Variants in COL3A1 observed in about 807,000 individuals in gnomAD.
COL3A1 encodes collagen type III alpha 1 chain.
COL3A1 carries 46 observed loss-of-function variants against 200.9 expected under a neutral mutation model. That is an observed-to-expected ratio of 0.23 (90% confidence interval 0.18 to 0.29). The LOEUF (loss-of-function observed/expected upper bound fraction) is 0.29, where lower values mean the gene tolerates loss of function less well. Ranked by LOEUF, COL3A1 falls within the 10% of genes least tolerant of loss-of-function variation. COL3A1 has a pLI of 1.00. For missense variants in COL3A1, 1,367 were observed against 1,917.6 expected, an observed-to-expected ratio of 0.71 and a Z score of 5.36; for synonymous variants, 650 against 628.0, an observed-to-expected ratio of 1.03 and a Z score of -0.52.
intron 1 of COL3A1, chr2:188,978,019 C>T: frequency 2.7e-6 from 1 of 371,318 alleles, no homozygotes; most frequent in Non-Finnish European, 5.3e-6. Flanking sequence ...CTTACCTGAG[C>T]TTTTTTTCTA....
Position 189,008,752 on chromosome 2 carries a change from T to C in COL3A1, c.3526-172T>C, listed in dbSNP as rs1688651246. ...TTTCTTGATAATGAATTGTAGTTAT[T>C]ATAAATCGGTGATCACGTGACCCTA... is the stretch of plus-strand genomic sequence containing the variant. On this transcript the variant is annotated intron_variant, in intron 47 of 50. Coordinates refer to ENST00000304636, the MANE Select transcript of COL3A1 (RefSeq NM_000090.4). 2.3e-5 allele frequency: 15 copies of C among 664,358 alleles called. No individual in the cohort carries two copies. In the South Asian group the frequency reaches 2.7e-4, roughly 12 times the overall value. 41.2% of individuals were successfully genotyped at this position (664,358 alleles called of 1,614,324 possible).
chr2:189,001,307 A>T (rs760143884), intron 32 of COL3A1, 90 bp from the exon 33 acceptor site: 73 of 1,218,260 alleles, frequency 6.0e-5, no homozygotes, highest in Non-Finnish European at 8.7e-5. Flanking sequence ...CTAGTTTATT[A>T]GGTATCTATG....
At chr2:189,008,571 A>G (rs1688648284) in intron 47 of COL3A1, 2 of 406,992 alleles carry the variant, frequency 4.9e-6, no homozygotes, top group African/African-American at 2.0e-5. Flanking sequence ...TAAATGAAAT[A>G]AAAACAATTA....
chr2:188,993,217 G>T (rs1688225367), intron 15 of COL3A1, 144 bp from the exon 16 acceptor site: 2 of 762,270 alleles, frequency 2.6e-6, no homozygotes, highest in Non-Finnish European at 4.6e-6. Flanking sequence ...CTGCCTTTAC[G>T]ATTAATGATT....
rs776253498 is a variant in COL3A1, at chr2:188,990,149, A to G, written c.744A>G (p.Pro248=). The G allele has an allele frequency of 1.9e-6, 3 of 1,613,538 alleles. No homozygotes were observed. The highest frequency in any genetic ancestry group is 3.3e-5 in the Admixed American group (2 of 59,946). The part of the protein sequence containing the change: ...RPGERGLPGP[P]GIKGPAGIPG... ...GAGAGCGAGGATTGCCTGGACCTCC[A>G]GTGAGTCTTCAGCATCTAATAAATT... Residue 248 remains proline (P), a splice_region_variant and synonymous_variant, in exon 9 of 51, where the codon CCA becomes CCG. Transcript: ENST00000304636.
At chr2:188,983,154 T>C (rs569561611) in intron 1 of COL3A1, among the ~76,000 whole-genome samples, 1 of 152,078 alleles carries the variant, frequency 6.6e-6, no homozygotes, top group Non-Finnish European at 1.5e-5. Flanking sequence ...ATATATCCCA[T>C]GTTCTCATAT....
chr2:189,007,095 G>GAA (rs1189709304), intron 44 of COL3A1, 105 bp downstream of exon 44: 1 of 244,942 alleles, frequency 4.1e-6, no homozygotes, highest in East Asian at 1.3e-4. Flanking sequence ...AAAAAAGAAT[G>GAA]AATATATATA....
chr2:189,006,059 C>A, intron 41 of COL3A1, 147 bp from the exon 42 acceptor site: 1 of 770,750 alleles, frequency 1.3e-6, no homozygotes, highest in Non-Finnish European at 2.3e-6. Context: ...TGAAGGGCCA[C>A]ACTGCTTTGT....
intron 1 of COL3A1, among the ~76,000 whole-genome samples, chr2:188,976,022 C>T (rs781670288): frequency 6.6e-6 from 1 of 151,860 alleles, no homozygotes; most frequent in Non-Finnish European, 1.5e-5. Context: ...CCTCCTCACC[C>T]TTTCTTTCCC....
intron 41 of COL3A1, 184 bp downstream of exon 41, chr2:189,005,641 T>C (rs1688568404): frequency 1.5e-6 from 1 of 682,048 alleles, no homozygotes; most frequent in Non-Finnish European, 2.7e-6. Flanking sequence ...TTCATTAGTA[T>C]TTACCCAATG....
At chr2:188,998,405 A>G (rs1688376785) in intron 28 of COL3A1, 86 bp downstream of exon 28, 12 of 1,176,074 alleles carry the variant, frequency 1.0e-5, no homozygotes, top group East Asian at 2.4e-5. Context: ...TAATTTTCTT[A>G]TGCCATGATA....
Position 188,974,503 on chromosome 2 carries a change from T to A in COL3A1, c.14T>A (p.Val5Glu), listed in dbSNP as rs751315184. The change falls in exon 1 of 51, where the codon GTG (valine) becomes GAG (glutamate). Residue 5 changes from valine to glutamate, a missense_variant. Val to Glu is a moderately radical substitution (Grantham distance 121). This residue lies in a region of COL3A1 where 55 missense variants were observed against 51.5 expected (regional missense o/e 1.07). Transcript: ENST00000304636. The part of the protein sequence containing the change: MMSF[V>E]QKGSWLLLAL... Reference sequence around the variant, plus strand: ...TGATATTTAGACATGATGAGCTTTGTGCAAAAGGGGAGCTGGCTACTTCTC... The same window carrying A: ...TGATATTTAGACATGATGAGCTTTGAGCAAAAGGGGAGCTGGCTACTTCTC... 20 of 1,613,962 alleles carry A rather than the reference T, an allele frequency of 1.2e-5. No homozygotes were observed. The highest frequency in any genetic ancestry group is 3.3e-5 in the South Asian group (3 of 91,082).
chr2:188,995,229 A>G lies in COL3A1; in HGVS notation c.1509+130A>G. ...ATTAGAGTTAAGAAAAATTCCTAAT[A>G]TAATGCATCCTCTGTTCAACAACTT... On this transcript the variant is annotated intron_variant, in intron 21 of 50. Transcript: ENST00000304636. 7 of 870,760 alleles carry G rather than the reference A, an allele frequency of 8.0e-6. No individual in the cohort carries two copies. The South Asian group carries it at 1.1e-4, about 14-fold the overall frequency. 53.9% of individuals were successfully genotyped at this position (870,760 alleles called of 1,614,324 possible).
At chr2:188,992,364 A>G in intron 14 of COL3A1, 136 bp downstream of exon 14, 1 of 774,256 alleles carries the variant, frequency 1.3e-6, no homozygotes, top group Non-Finnish European at 2.1e-6. Context: ...ACACATTAGC[A>G]TCTCTGTTGA....
rs950435405 is a variant in COL3A1 at position 188,992,947 on chromosome 2, A to G, written c.1050+7A>G. 1.9e-6 allele frequency: 3 copies of G among 1,613,368 alleles called. No individual in the cohort carries two copies. The highest frequency in any genetic ancestry group is 2.5e-6 in the Non-Finnish European group (3 of 1,179,470). ...TGGATCCCCTGGTGCTAAGGTAAACATGTGTTTCTATAGAAGGGTATAAAA... is the reference window on the plus strand; with the variant it reads ...TGGATCCCCTGGTGCTAAGGTAAACGTGTGTTTCTATAGAAGGGTATAAAA... On this transcript the variant is annotated splice_region_variant and intron_variant, in intron 15 of 50. Coordinates refer to ENST00000304636, the MANE Select transcript of COL3A1 (RefSeq NM_000090.4).
intron 1 of COL3A1, among the ~76,000 whole-genome samples, chr2:188,981,422 G>A (rs1445766149): frequency 6.6e-6 from 1 of 151,350 alleles, no homozygotes; most frequent in Non-Finnish European, 1.5e-5. Flanking sequence ...TGACATGGGA[G>A]ATGGAATTTA....
intron 1 of COL3A1, among the ~76,000 whole-genome samples, chr2:188,981,771 A>G (rs1337341558): frequency 6.6e-6 from 1 of 151,606 alleles, no homozygotes; most frequent in African/African-American, 2.4e-5. Context: ...TAGGTATTAA[A>G]TGAAGGTCCA....
rs1381647985 is a variant in COL3A1, at chr2:188,974,390, G to T, written c.-100G>T. 5 of 844,112 alleles carry T rather than the reference G, an allele frequency of 5.9e-6. No homozygotes were observed. The highest frequency in any genetic ancestry group is 9.7e-6 in the Non-Finnish European group (5 of 517,118). 52.3% of individuals were successfully genotyped at this position (844,112 alleles called of 1,614,324 possible). On this transcript the variant is annotated 5_prime_UTR_variant, in exon 1 of 51. Transcript: ENST00000304636. ...ATCTCAGTGGCTGAGTTTTATGACG[G>T]GCCCGGTGCTGAAGGGCAGGGAACA...
intron 5 of COL3A1, among the ~76,000 whole-genome samples, chr2:188,987,466 C>T (rs1688087886): frequency 6.6e-6 from 1 of 151,660 alleles, no homozygotes; most frequent in Admixed American, 6.6e-5. Context: ...TATTTAGAAA[C>T]AGCATGTTAC....
Sources: gnomAD v4.1 joint callset for allele counts (sites outside exome capture counted in the v4.1 genomes callset) on GRCh38, gnomAD v4.1.1 for gene constraint, gnomAD v4.1.1 regional missense constraint, MANE v1.5 for transcripts, NCBI Gene and HGNC (gene_info 2026-07-23, HGNC 2026-07-21) for gene names.